Variants in CAPRIN2 observed in about 807,000 individuals in gnomAD.
CAPRIN2 encodes caprin-2.
In CAPRIN2, 66 loss-of-function variants were observed where a neutral mutation model predicts 130.4. The observed-to-expected ratio is 0.51, with a 90% CI of 0.42 to 0.62. The LOEUF (loss-of-function observed/expected upper bound fraction) is 0.62. Among genes scored for constraint, CAPRIN2 ranks in the 20% least tolerant of loss-of-function variants. The pLI, the probability that CAPRIN2 is intolerant of heterozygous loss-of-function variation, is 0.00. For missense variants in CAPRIN2, 1,185 were observed against 1,246.6 expected (o/e 0.95, Z 0.74); for synonymous variants, 471 against 444.1 (o/e 1.06, Z -0.76).
chr12:30,749,928 A>C (rs768713780), intron 2 of CAPRIN2, among the ~76,000 whole-genome samples: 1 of 152,206 alleles, frequency 6.6e-6, no homozygotes, highest in Non-Finnish European at 1.5e-5. Flanking sequence ...CATTTCTTAG[A>C]GAGCTACCAT....
At chr12:30,716,523 G>T in exon 13 of CAPRIN2, 1 of 1,613,688 alleles carries the variant, frequency 6.2e-7, no homozygotes, top group Non-Finnish European at 8.5e-7. Flanking sequence ...TCTTGAGAAT[G>T]GACAGTTTGT....
At chr12:30,753,623 G>A in exon 1 of CAPRIN2, 2 of 1,614,096 alleles carry the variant, frequency 1.2e-6, no homozygotes, top group Non-Finnish European at 1.7e-6. Flanking sequence ...AAGGAGGTGG[G>A]GGAAAGTTAA....
chr12:30,720,941 T>G, intron 11 of CAPRIN2, 26 bp from the exon 13 acceptor site: 1 of 1,478,154 alleles, frequency 6.8e-7, no homozygotes, highest in South Asian at 1.1e-5. Context: ...TACAAAATAT[T>G]GTAAAAGGCA....
At chr12:30,723,864 A>G (rs930648945) in intron 10 of CAPRIN2, among the ~76,000 whole-genome samples, 1 of 152,262 alleles carries the variant, frequency 6.6e-6, no homozygotes, top group Non-Finnish European at 1.5e-5. Flanking sequence ...TATACTGCTC[A>G]CTAAAGCTGG....
At chr12:30,739,693 C>T (rs1337985682) in intron 3 of CAPRIN2, among the ~76,000 whole-genome samples, 1 of 147,356 alleles carries the variant, frequency 6.8e-6, no homozygotes, top group South Asian at 2.1e-4. Flanking sequence ...CCAGCCTGGG[C>T]GACAGGGCAA....
At chr12:30,723,176 A>G in intron 11 of CAPRIN2, 83 bp downstream of exon 12, 1 of 931,620 alleles carries the variant, frequency 1.1e-6, no homozygotes. Flanking sequence ...GGTACATGAG[A>G]ATCAGTAAGT....
exon 8 of CAPRIN2, chr12:30,728,730 G>A (rs2061684111): frequency 6.2e-7 from 1 of 1,613,998 alleles, no homozygotes; most frequent in Non-Finnish European, 8.5e-7. Context: ...CCAGGACTTT[G>A]GAGAAATCTG....
At chr12:30,746,346 A>G (rs1039034966) in intron 2 of CAPRIN2, among the ~76,000 whole-genome samples, 3 of 152,208 alleles carry the variant, frequency 2.0e-5, no homozygotes, top group African/African-American at 7.2e-5. Flanking sequence ...GAGCTATGAT[A>G]TTGTGCTATT....
At chr12:30,723,155 T>C (rs2059899894) in intron 11 of CAPRIN2, 104 bp downstream of exon 12, 3 of 791,320 alleles carry the variant, frequency 3.8e-6, no homozygotes, top group East Asian at 2.5e-5. Flanking sequence ...ACACTTTTAA[T>C]AATTTCATTA....
At chr12:30,740,448 T>C (rs1360666945) in intron 3 of CAPRIN2, among the ~76,000 whole-genome samples, 1 of 152,184 alleles carries the variant, frequency 6.6e-6, no homozygotes, top group Non-Finnish European at 1.5e-5. Context: ...TAAAGAATAC[T>C]TCACTGAGAA....
At chr12:30,735,741 T>C (rs934897577) in intron 3 of CAPRIN2, among the ~76,000 whole-genome samples, 2 of 152,190 alleles carry the variant, frequency 1.3e-5, no homozygotes, top group Admixed American at 1.3e-4. Context: ...GTTTCAGAAG[T>C]AAAATTAAAA....
At chr12:30,739,355 G>A (rs1017619038) in intron 3 of CAPRIN2, among the ~76,000 whole-genome samples, 5 of 152,096 alleles carry the variant, frequency 3.3e-5, no homozygotes, top group African/African-American at 1.2e-4. Flanking sequence ...TAAACAATGA[G>A]AACACATGGA....
At chr12:30,719,822 A>C (rs1022073404) in intron 12 of CAPRIN2, 1 of 152,178 alleles carries the variant, frequency 6.6e-6, no homozygotes, top group African/African-American at 2.4e-5. Context: ...GGTAACAATC[A>C]CTTCTTCCTC....
chr12:30,716,303 A>G lies in CAPRIN2; in HGVS notation c.2317+205T>C, dbSNP rs144216764. On this transcript the variant is annotated intron_variant, in intron 13 of 16. Coordinates refer to ENST00000298892, the Ensembl canonical transcript of CAPRIN2. Reference sequence around the variant, plus strand: ...AGGTTAAATCCGTCATCTAAGTTCTATCTCTACAAAAATTAAAATTAATAG... The same window carrying G: ...AGGTTAAATCCGTCATCTAAGTTCTGTCTCTACAAAAATTAAAATTAATAG... The G allele has an allele frequency of 5.9e-4, 293 of 493,030 alleles. 1 individual carries two copies. The highest frequency in any genetic ancestry group is 5.6e-3 in the African/African-American group (278 of 49,518). The allele number at this position is 493,030 out of a possible 1,614,324, so 30.5% of individuals were successfully genotyped here. A position where few individuals can be genotyped will look rare whatever the true frequency, so the allele number is the denominator to read the frequency against.
chr12:30,753,591 A>G, exon 1 of CAPRIN2: 1 of 1,614,144 alleles, frequency 6.2e-7, no homozygotes, highest in Non-Finnish European at 8.5e-7. Context: ...AAAGAGTTGC[A>G]CCATTGAAAC....
chr12:30,726,066 G>A, exon 9 of CAPRIN2: 6 of 1,580,256 alleles, frequency 3.8e-6, no homozygotes, highest in Non-Finnish European at 5.2e-6. Context: ...AGAACCTACA[G>A]GCTGATGCAC....
intron 7 of CAPRIN2, among the ~76,000 whole-genome samples, chr12:30,729,580 C>A (rs181899932): frequency 6.6e-6 from 1 of 152,320 alleles, no homozygotes; most frequent in East Asian, 1.9e-4. Context: ...TTGGACTTGC[C>A]TAAGACTGGC....
chr12:30,728,800 T>C (rs766221498), exon 8 of CAPRIN2: 2 of 1,614,022 alleles, frequency 1.2e-6, no homozygotes, highest in East Asian at 4.5e-5. Flanking sequence ...GATTTTGGAG[T>C]CTCTGGCTGT....
intron 2 of CAPRIN2, among the ~76,000 whole-genome samples, chr12:30,749,183 T>C (rs757538939): frequency 3.3e-5 from 5 of 152,108 alleles, no homozygotes; most frequent in African/African-American, 4.8e-5. Context: ...GTGCCTGGGA[T>C]GTCTGAGGAG....
Sources: allele counts gnomAD v4.1 joint callset (sites outside exome capture counted in the v4.1 genomes callset), GRCh38; gene constraint gnomAD v4.1.1; transcripts MANE v1.5; gene names NCBI Gene and HGNC (gene_info 2026-07-23, HGNC 2026-07-21).